Variants in EXOC3L2 observed in about 807,000 individuals in gnomAD.
EXOC3L2 encodes the protein exocyst complex component 3-like protein 2.
In EXOC3L2, 17 loss-of-function variants were observed where a neutral mutation model predicts 44.4. The ratio of observed to expected loss-of-function variants is 0.38; its 90% confidence interval spans 0.26 to 0.57. The LOEUF is 0.57. Ranked by LOEUF, EXOC3L2 falls within the 20% of genes least tolerant of loss-of-function variation. EXOC3L2 has a pLI of 0.65. For synonymous variants in EXOC3L2, 256 were observed against 253.7 expected (o/e 1.01, Z -0.09); for missense variants, 541 against 588.4 (o/e 0.92, Z 0.83).
chr19:45,219,236 A>C (rs2122960475), intron 8 of EXOC3L2, among the ~76,000 whole-genome samples: 1 of 151,690 alleles, frequency 6.6e-6, no homozygotes, highest in South Asian at 2.1e-4. Context: ...TCAATTAAAA[A>C]TAATAAAAAT....
intron 8 of EXOC3L2, among the ~76,000 whole-genome samples, chr19:45,221,509 C>T (rs1187583810): frequency 2.6e-5 from 4 of 151,832 alleles, no homozygotes; most frequent in East Asian, 1.9e-4. Context: ...CCACCATGCC[C>T]GGCTAATTTT....
At chr19:45,242,929 A>G (rs932339024) in intron 1 of EXOC3L2, among the ~76,000 whole-genome samples, 2 of 150,472 alleles carry the variant, frequency 1.3e-5, no homozygotes, top group African/African-American at 4.9e-5. Context: ...TCCTGGTCCC[A>G]CTCGCTCTGG....
At chr19:45,213,412 C>T in intron 11 of EXOC3L2, 55 bp from the exon 12 acceptor site, 2 of 1,594,268 alleles carry the variant, frequency 1.3e-6, no homozygotes, top group South Asian at 2.2e-5. Flanking sequence ...AGACACACAC[C>T]CAACCCAGCC....
At chr19:45,229,774 G>A (rs921208305) in intron 4 of EXOC3L2, among the ~76,000 whole-genome samples, 2 of 149,842 alleles carry the variant, frequency 1.3e-5, no homozygotes, top group Non-Finnish European at 3.0e-5. Context: ...GAACCCGGGA[G>A]GAGGAGGTTG....
chr19:45,231,954 CA>C, intron 3 of EXOC3L2, 80 bp from the exon 4 acceptor site: 1 of 853,482 alleles, frequency 1.2e-6, no homozygotes, highest in South Asian at 2.0e-5. Context: ...CCCTCCTACC[CA>C]CTGTTTCTGT....
rs535422352 is a variant in EXOC3L2, at chr19:45,212,811, G to A, written c.*258C>T. ...GGGCAGGTCTCACTATGTTGCCCAG[G>A]CTGGTCTTGAACTCCTGGGCTCAAG... On this transcript the variant is annotated 3_prime_UTR_variant, in exon 12 of 12. Transcript: ENST00000413988. 1.2e-3 allele frequency: 494 copies of A among 415,634 alleles called. 2 individuals are homozygous for A. Among genetic ancestry groups the A allele is most frequent in the African/African-American group, 9.8e-3 (471 of 48,122 alleles). The allele number at this position is 415,634 out of a possible 1,614,324, so 25.7% of individuals were successfully genotyped here.
At chr19:45,218,981 G>A (rs190003897) in intron 8 of EXOC3L2, among the ~76,000 whole-genome samples, 81 of 152,190 alleles carry the variant, frequency 5.3e-4, no homozygotes, top group African/African-American at 1.8e-3. Flanking sequence ...GCTCACGCCT[G>A]TAATCCTAGC....
rs972882745 is a variant in EXOC3L2, at chr19:45,234,972, G to T, written c.524-146C>A. The T allele has an allele frequency of 2.6e-6, 1 of 378,768 alleles. No homozygotes were observed. Among genetic ancestry groups the T allele is most frequent in the Non-Finnish European group, 4.7e-6 (1 of 213,256 alleles). The allele number at this position is 378,768 out of a possible 1,614,324, so 23.5% of individuals were successfully genotyped here. Reference sequence around the variant, plus strand: ...AAAGTGTGGGGGCAGAGAAGAGCCCGGAGAAGAGCAAGAAAGAAGGATGTT... The same window carrying T: ...AAAGTGTGGGGGCAGAGAAGAGCCCTGAGAAGAGCAAGAAAGAAGGATGTT... On this transcript the variant is annotated intron_variant, in intron 2 of 11. Transcript: ENST00000413988. The surrounding 1 kb of genome is among the most constrained non-coding windows in gnomAD (Gnocchi z 5.0).
At position 45,213,475 on chromosome 19, in the gene EXOC3L2, G is replaced by A. The variant is rs950405613; in HGVS notation, c.2121-118C>T. On this transcript the variant is annotated intron_variant, in intron 11 of 11. Transcript: ENST00000413988. ...TCCCAGAAATTGCCTGAGTTCTGGG[G>A]CCTCTGTGTCCCCTCCAGAGCCTTC... The A allele has an allele frequency of 8.0e-6, 10 of 1,252,740 alleles. No individual in the cohort carries two copies. The African/African-American group carries it at 1.4e-4, about 17-fold the overall frequency. 77.6% of individuals were successfully genotyped at this position (1,252,740 alleles called of 1,614,324 possible). A position where few individuals can be genotyped will look rare whatever the true frequency, so the allele number is the denominator to read the frequency against.
intron 1 of EXOC3L2, among the ~76,000 whole-genome samples, chr19:45,245,125 A>G (rs1295204303): frequency 6.6e-6 from 1 of 151,286 alleles, no homozygotes; most frequent in East Asian, 2.0e-4. Flanking sequence ...GAGTCCTCAA[A>G]TTCTCCCCTG....
At chr19:45,216,301 G>T in intron 10 of EXOC3L2, 107 bp from the exon 11 acceptor site, 1 of 1,437,446 alleles carries the variant, frequency 7.0e-7, no homozygotes. Context: ...AGAAACCAGG[G>T]GTGGTGGCTC....
At chr19:45,226,259 G>A (rs1015026376) in intron 7 of EXOC3L2, among the ~76,000 whole-genome samples, 11 of 152,056 alleles carry the variant, frequency 7.2e-5, no homozygotes, top group African/African-American at 2.7e-4. Flanking sequence ...TGCTTGGTCT[G>A]GACTGTTCTC....
intron 1 of EXOC3L2, among the ~76,000 whole-genome samples, chr19:45,243,570 G>A (rs939528273): frequency 3.3e-5 from 5 of 152,176 alleles, no homozygotes; most frequent in African/African-American, 1.2e-4. Context: ...GAGCCCCCAT[G>A]GCTGTGTGCA....
At chr19:45,224,720 G>A (rs1445917617) in intron 8 of EXOC3L2, 58 bp downstream of exon 8, 2 of 1,519,262 alleles carry the variant, frequency 1.3e-6, no homozygotes, top group Non-Finnish European at 1.8e-6. Context: ...AGGATGGTGG[G>A]GGGCAGCGCT....
At position 45,241,042 on chromosome 19, in the gene EXOC3L2, C is replaced by A. The variant is rs373812819; in HGVS notation, c.-16-1981G>T. ...TTCCTGAGTCCTGCCCATTCCATCTCCTAAGCCTCTCTTCAGTCTGCGCTC... is the reference window on the plus strand; with the variant it reads ...TTCCTGAGTCCTGCCCATTCCATCTACTAAGCCTCTCTTCAGTCTGCGCTC... On this transcript the variant is annotated intron_variant, in intron 1 of 11. Coordinates refer to ENST00000413988, the MANE Select transcript of EXOC3L2 (RefSeq NM_001382422.1). Among the ~76,000 whole-genome samples the A allele has an allele frequency of 3.3e-5, 5 of 152,318 alleles. No homozygotes were observed. The South Asian group carries it at 1.0e-3, about 32-fold the overall frequency.
chr19:45,242,849 G>A (rs1331982208), intron 1 of EXOC3L2, among the ~76,000 whole-genome samples: 4 of 115,890 alleles, frequency 3.5e-5, no homozygotes, highest in Admixed American at 2.2e-4. Flanking sequence ...GCAACAGAGC[G>A]AAACTCCATC....
intron 7 of EXOC3L2, among the ~76,000 whole-genome samples, chr19:45,227,049 G>A (rs1969970946): frequency 6.8e-6 from 1 of 146,734 alleles, no homozygotes; most frequent in South Asian, 2.2e-4. Context: ...CACGATGCCT[G>A]GCCCCCATCT....
intron 4 of EXOC3L2, among the ~76,000 whole-genome samples, chr19:45,229,766 A>T (rs1203714923): frequency 3.3e-5 from 5 of 149,642 alleles, no homozygotes. Flanking sequence ...AATCACTTGA[A>T]CCCGGGAGGA....
At chr19:45,218,158 T>TTGGC in intron 9 of EXOC3L2, 39 bp downstream of exon 9, 9 of 1,034,906 alleles carry the variant, frequency 8.7e-6, no homozygotes, top group African/African-American at 1.7e-5. Context: ...TCCCCTCTTT[T>TTGGC]CCCCCACCCC....
Sources: gnomAD v4.1 joint callset for allele counts (sites outside exome capture counted in the v4.1 genomes callset) on GRCh38, gnomAD v4.1.1 for gene constraint, Gnocchi (gnomAD v3.1) non-coding constraint, MANE v1.5 for transcripts, NCBI Gene and HGNC (gene_info 2026-07-23, HGNC 2026-07-21) for gene names.